Variants in C12orf56 observed in about 807,000 individuals in gnomAD.
C12orf56 encodes the protein chromosome 12 open reading frame 56.
C12orf56 carries 71 observed loss-of-function variants against 69.9 expected under a neutral mutation model. The ratio of observed to expected loss-of-function variants is 1.02; its 90% CI spans 0.84 to 1.24. The LOEUF (loss-of-function observed/expected upper bound fraction) is 1.24. Ranked by LOEUF, C12orf56 falls within the 50% of genes most tolerant of loss-of-function variation. The probability of loss-of-function intolerance (pLI) is 0.00; values close to 1 mark genes in which losing one functional copy is unlikely to be tolerated. For synonymous variants in C12orf56, 276 were observed against 274.1 expected (o/e 1.01, Z -0.07); for missense variants, 732 against 738.5 (o/e 0.99, Z 0.10).
At chr12:64,267,724 T>A (rs2037934006) in intron 12 of C12orf56, 1 of 158,308 alleles carries the variant, frequency 6.3e-6, no homozygotes, top group Non-Finnish European at 1.4e-5. Context: ...GAGAAAGACT[T>A]CAACCATCCC....
In C12orf56 at chr12:64,266,749, C is replaced by T. The variant is rs1274901310; in HGVS notation, c.*434G>A. ...AATGCCCATGCCTCAGGCCCCCACA[C>T]TCCCCGGCATCCTATTGCTTAAGCA... is the stretch of plus-strand genomic sequence containing the variant. On this transcript the variant is annotated 3_prime_UTR_variant, in exon 13 of 13. Coordinates refer to ENST00000543942, the MANE Select transcript of C12orf56 (RefSeq NM_001170633.2). The T allele has an allele frequency of 3.2e-5, 11 of 346,144 alleles. No individual in the cohort carries two copies. The East Asian group carries it at 4.2e-4, about 13-fold the overall frequency. The allele number at this position is 346,144 out of a possible 1,614,324, so 21.4% of individuals were successfully genotyped here.
intron 1 of C12orf56, among the ~76,000 whole-genome samples, chr12:64,376,204 G>C (rs536145798): frequency 6.6e-6 from 1 of 151,992 alleles, no homozygotes; most frequent in African/African-American, 2.4e-5. Context: ...TGCCTCATCC[G>C]TCATATTCAC....
At chr12:64,389,506 G>A (rs1467141163) in intron 1 of C12orf56, 2 of 152,188 alleles carry the variant, frequency 1.3e-5, no homozygotes, top group Non-Finnish European at 2.9e-5. Flanking sequence ...GGAGGGGGTG[G>A]AGGGGAACGG....
intron 1 of C12orf56, among the ~76,000 whole-genome samples, chr12:64,376,984 T>G (rs1361334153): frequency 1.3e-5 from 2 of 152,128 alleles, no homozygotes; most frequent in Non-Finnish European, 2.9e-5. Context: ...CCACCAACAT[T>G]GTAAAAGGGT....
At chr12:64,325,372 A>AG (rs1555189853) in intron 3 of C12orf56, among the ~76,000 whole-genome samples, 5 of 141,382 alleles carry the variant, frequency 3.5e-5, no homozygotes, top group East Asian at 2.0e-4. Flanking sequence ...AAAAAAAAAA[A>AG]AAGAAGAAGA....
At chr12:64,389,019 T>C (rs1030200746) in intron 1 of C12orf56, 10 of 152,180 alleles carry the variant, frequency 6.6e-5, no homozygotes, top group African/African-American at 2.4e-4. Flanking sequence ...TTTAATTTTA[T>C]TCTTTTCTTA....
At chr12:64,371,043 A>AT (rs2039563865) in intron 1 of C12orf56, among the ~76,000 whole-genome samples, 1 of 152,162 alleles carries the variant, frequency 6.6e-6, no homozygotes, top group African/African-American at 2.4e-5. Flanking sequence ...AAATAAACCC[A>AT]CACATATATG....
intron 2 of C12orf56, chr12:64,338,547 CT>C: frequency 7.0e-7 from 1 of 1,438,796 alleles, no homozygotes; most frequent in Non-Finnish European, 9.8e-7. Context: ...ACTCTGAGGA[CT>C]TTGAGTCTTG....
intron 8 of C12orf56, among the ~76,000 whole-genome samples, chr12:64,282,763 A>G (rs1176230296): frequency 6.7e-6 from 1 of 150,038 alleles, no homozygotes; most frequent in African/African-American, 2.5e-5. Context: ...GTGAAACCCT[A>G]TCTAAAAAAA....
rs868544418 is a variant in C12orf56 at position 64,265,089 on chromosome 12, G to C, written c.*2094C>G. The C allele has an allele frequency of 3.9e-5, 6 of 152,332 alleles. No individual in the cohort carries two copies. The East Asian group carries it at 1.2e-3, about 29-fold the overall frequency. 9.4% of individuals were successfully genotyped at this position (152,332 alleles called of 1,614,324 possible). ...TCCAGGGCACTGCGGAGAAGCTAAG[G>C]CAGAGCTGAGTTGATCCTCTCGTTG... is the stretch of plus-strand genomic sequence containing the variant. On this transcript the variant is annotated 3_prime_UTR_variant, in exon 13 of 13. Coordinates refer to ENST00000543942, the MANE Select transcript of C12orf56 (RefSeq NM_001170633.2).
chr12:64,388,940 AAAAT>A (rs1323582129), intron 1 of C12orf56: 1 of 152,238 alleles, frequency 6.6e-6, no homozygotes, highest in Non-Finnish European at 1.5e-5. Context: ...CTCAACAAAG[AAAAT>A]AAATTGGCAC....
intron 3 of C12orf56, among the ~76,000 whole-genome samples, chr12:64,320,612 C>A (rs2038758921): frequency 6.6e-6 from 1 of 152,140 alleles, no homozygotes; most frequent in Admixed American, 6.5e-5. Context: ...CTTTACTTTG[C>A]TGCACAAGAA....
chr12:64,387,694 C>T (rs2135992650), intron 1 of C12orf56, among the ~76,000 whole-genome samples: 1 of 151,928 alleles, frequency 6.6e-6, no homozygotes. Context: ...TGCCTGTAGT[C>T]CCAGCTACTC....
intron 8 of C12orf56, among the ~76,000 whole-genome samples, chr12:64,284,458 C>T (rs1409981189): frequency 6.6e-6 from 1 of 152,174 alleles, no homozygotes; most frequent in African/African-American, 2.4e-5. Context: ...TCTTTGTACC[C>T]TTAATAATCC....
intron 6 of C12orf56, among the ~76,000 whole-genome samples, chr12:64,298,018 C>T (rs2136792695): frequency 6.6e-6 from 1 of 152,262 alleles, no homozygotes; most frequent in East Asian, 1.9e-4. Flanking sequence ...TAAAAGCATT[C>T]CTATTTCTCC....
rs1393296704 is a variant in C12orf56 at position 64,390,661 on chromosome 12, C to T, written c.-96G>A. The T allele has an allele frequency of 2.9e-6, 4 of 1,366,370 alleles. No individual in the cohort carries two copies. Among genetic ancestry groups the T allele is most frequent in the East Asian group, 6.0e-5 (2 of 33,516 alleles). The allele number at this position is 1,366,370 out of a possible 1,614,324, so 84.6% of individuals were successfully genotyped here. On this transcript the variant is annotated 5_prime_UTR_variant, in exon 1 of 13. Coordinates refer to ENST00000543942, the MANE Select transcript of C12orf56 (RefSeq NM_001170633.2). ...CTGGAACCCGCGCGCCACAAAGCCGCCGGCCACGCGTCGCCTCCTCTCCAG... is the reference window on the plus strand; with the variant it reads ...CTGGAACCCGCGCGCCACAAAGCCGTCGGCCACGCGTCGCCTCCTCTCCAG...
At position 64,318,745 on chromosome 12, in the gene C12orf56, T is replaced by G. The variant is rs2038724766; in HGVS notation, c.724A>C (p.Lys242Gln). 1.3e-6 allele frequency: 2 copies of G among 1,528,870 alleles called. No individual in the cohort carries two copies. Among genetic ancestry groups the G allele is most frequent in the South Asian group, 2.4e-5 (2 of 83,732 alleles). The allele number at this position is 1,528,870 out of a possible 1,614,324, so 94.7% of individuals were successfully genotyped here. The change falls in exon 4 of 13, where the codon AAG (lysine) becomes CAG (glutamine). Residue 242 changes from lysine (K) to glutamine (Q), a missense_variant. Coordinates refer to ENST00000543942, the MANE Select transcript of C12orf56 (RefSeq NM_001170633.2). ...DHNSISEIPFKCNGNGNEFYL... is the reference protein window; with the variant it reads ...DHNSISEIPFQCNGNGNEFYL... ...AACTCATTTCCATTCCCATTGCACTTGAAAGGAATTTCACTTATGGAGTTG... is the reference window on the plus strand; with the variant it reads ...AACTCATTTCCATTCCCATTGCACTGGAAAGGAATTTCACTTATGGAGTTG...
intron 1 of C12orf56, among the ~76,000 whole-genome samples, chr12:64,375,078 TTTA>T (rs2039623467): frequency 1.3e-5 from 2 of 151,670 alleles, no homozygotes; most frequent in East Asian, 1.9e-4. Context: ...TATTTATTTA[TTTA>T]TTTTTTGAGA....
chr12:64,369,436 G>A (rs1056428338), intron 1 of C12orf56, among the ~76,000 whole-genome samples: 8 of 152,056 alleles, frequency 5.3e-5, no homozygotes, highest in East Asian at 1.9e-4. Context: ...GACTACAAGC[G>A]ATCTGCCAGC....
Sources: gnomAD v4.1 joint callset for allele counts (sites outside exome capture counted in the v4.1 genomes callset) on GRCh38, gnomAD v4.1.1 for gene constraint, MANE v1.5 for transcripts, NCBI Gene and HGNC (gene_info 2026-07-23, HGNC 2026-07-21) for gene names.